The following TMEM132C variants were observed in gnomAD, a reference collection of about 807,000 sequenced individuals.
The protein encoded by TMEM132C is protein phosphatase 1, regulatory subunit 152.
Under a neutral mutation model 61.4 loss-of-function variants are expected in TMEM132C, and 29 were observed. That is an observed-to-expected ratio of 0.47 (90% CI 0.35 to 0.64). The LOEUF (loss-of-function observed/expected upper bound fraction) is 0.64, where lower values mean the gene tolerates loss of function less well. TMEM132C is among the 30% of genes least tolerant of loss of function. The pLI is 0.00. For missense variants in TMEM132C, 1,408 were observed against 1,476.9 expected, an observed-to-expected ratio of 0.95 and a Z score of 0.76; for synonymous variants, 656 against 633.1, an observed-to-expected ratio of 1.04 and a Z score of -0.54.
chr12:128,518,371 C>T (rs528397211), intron 2 of TMEM132C, among the ~76,000 whole-genome samples: 4 of 152,142 alleles, frequency 2.6e-5, no homozygotes, highest in African/African-American at 7.2e-5. Flanking sequence ...AAAGTTCAGG[C>T]GGCGTCCTTG....
chr12:128,535,163 G>T (rs886146609), intron 2 of TMEM132C, among the ~76,000 whole-genome samples: 2 of 152,166 alleles, frequency 1.3e-5, no homozygotes, highest in Non-Finnish European at 2.9e-5. Flanking sequence ...AGTAGCACGT[G>T]TATTTAGTGA....
chr12:128,568,137 C>CAG (rs2136168800), intron 3 of TMEM132C, among the ~76,000 whole-genome samples: 1 of 152,304 alleles, frequency 6.6e-6, no homozygotes, highest in South Asian at 2.1e-4. Context: ...ATTTACTAAA[C>CAG]AGTGTGATTG....
intron 3 of TMEM132C, among the ~76,000 whole-genome samples, chr12:128,571,186 T>G (rs1874868399): frequency 6.6e-6 from 1 of 152,188 alleles, no homozygotes; most frequent in Non-Finnish European, 1.5e-5. Context: ...TTGGAAACTC[T>G]CTGTGTCCTT....
At chr12:128,580,114 TC>T (rs1175948171) in intron 3 of TMEM132C, among the ~76,000 whole-genome samples, 1 of 151,870 alleles carries the variant, frequency 6.6e-6, no homozygotes, top group Non-Finnish European at 1.5e-5. Flanking sequence ...AAGCCTCAGT[TC>T]CCCCATCTGT....
At chr12:128,562,369 T>C (rs888564476) in intron 3 of TMEM132C, among the ~76,000 whole-genome samples, 13 of 152,372 alleles carry the variant, frequency 8.5e-5, no homozygotes, top group African/African-American at 3.1e-4. Flanking sequence ...CATGACAGGT[T>C]GTTCCGTAAG....
intron 2 of TMEM132C, among the ~76,000 whole-genome samples, chr12:128,509,624 C>T (rs955077317): frequency 6.6e-6 from 1 of 152,134 alleles, no homozygotes; most frequent in Non-Finnish European, 1.5e-5. Context: ...ACAGGGAGCC[C>T]TCTGAGAACT....
At chr12:128,424,534 A>G (rs746601544) in intron 2 of TMEM132C, among the ~76,000 whole-genome samples, 1 of 151,842 alleles carries the variant, frequency 6.6e-6, no homozygotes, top group Non-Finnish European at 1.5e-5. Context: ...AGGCAAATCC[A>G]TAGAGACAGA....
At chr12:128,485,884 CTCT>C (rs1230467810) in intron 2 of TMEM132C, among the ~76,000 whole-genome samples, 1 of 152,164 alleles carries the variant, frequency 6.6e-6, no homozygotes, top group Non-Finnish European at 1.5e-5. Context: ...CCTCCTCCTC[CTCT>C]AATTTGCATC....
rs144352187 is a variant in TMEM132C, at chr12:128,399,495, A to G, written c.86-15237A>G. Among the ~76,000 whole-genome samples, 529 of 152,306 alleles carry G rather than the reference A, an allele frequency of 3.5e-3. 4 individuals carry two copies. The highest frequency in any genetic ancestry group is 0.012 in the African/African-American group (497 of 41,558). On this transcript the variant is annotated intron_variant, in intron 1 of 8. Transcript: ENST00000435159. ...TTTAAATTCTGCTGTAAATGCTTGT[A>G]TTATACAACTCTAAATCCCTCCAGA... is the stretch of plus-strand genomic sequence containing the variant.
chr12:128,268,596 G>A lies in TMEM132C; in HGVS notation c.85+1109G>A, dbSNP rs371506867. On this transcript the variant is annotated intron_variant, in intron 1 of 8. Coordinates refer to ENST00000435159, the MANE Select transcript of TMEM132C (RefSeq NM_001136103.3). ...CCTGAGCCTTCGCGCGGCGCCGCGG[G>A]TCCAGTATCGGCCCCAGGCTCTGAG... Among the ~76,000 whole-genome samples the A allele has an allele frequency of 1.1e-4, 16 of 152,266 alleles. No individual in the cohort carries two copies. The East Asian group carries it at 2.0e-3, about 19-fold the overall frequency.
intron 1 of TMEM132C, among the ~76,000 whole-genome samples, chr12:128,386,650 C>A (rs1053308069): frequency 2.0e-5 from 3 of 152,176 alleles, no homozygotes; most frequent in African/African-American, 7.2e-5. Context: ...GTGTGACAGG[C>A]GTTAAGTCCT....
chr12:128,627,089 T>C lies in TMEM132C; in HGVS notation c.1305+10754T>C, dbSNP rs895770441. Among the ~76,000 whole-genome samples the C allele has an allele frequency of 4.0e-4, 61 of 152,166 alleles. 2 individuals carry two copies. The highest frequency in any genetic ancestry group is 3.9e-3 in the Admixed American group (59 of 15,282). Reference sequence around the variant, plus strand: ...TGAGAGGCACCTCACCTCCTCCTCCTCTTCATTAAGGACTCCTTGCCCACC... The same window carrying C: ...TGAGAGGCACCTCACCTCCTCCTCCCCTTCATTAAGGACTCCTTGCCCACC... On this transcript the variant is annotated intron_variant, in intron 4 of 8. Coordinates refer to ENST00000435159, the MANE Select transcript of TMEM132C (RefSeq NM_001136103.3).
intron 1 of TMEM132C, among the ~76,000 whole-genome samples, chr12:128,298,069 G>A (rs1871465807): frequency 6.6e-6 from 1 of 152,186 alleles, no homozygotes; most frequent in Non-Finnish European, 1.5e-5. Context: ...AGCTTTAAAG[G>A]TTACAAAGCA....
At chr12:128,388,129 T>A (rs1443009434) in intron 1 of TMEM132C, among the ~76,000 whole-genome samples, 1 of 152,192 alleles carries the variant, frequency 6.6e-6, no homozygotes, top group Non-Finnish European at 1.5e-5. Flanking sequence ...TCTGGGCCAG[T>A]GGCTTCCTCT....
chr12:128,491,294 C>T lies in TMEM132C; in HGVS notation c.975-52663C>T, dbSNP rs747257755. 4.6e-5 allele frequency among the ~76,000 whole-genome samples: 7 copies of T among 152,228 alleles called. No individual in the cohort carries two copies. In the South Asian group the frequency reaches 1.2e-3, roughly 27 times the overall value. ...CTCCATTTTTCTTGAAATACAATAG[C>T]GTTGAGGTTGATGGATTTGGCTGCA... On this transcript the variant is annotated intron_variant, in intron 2 of 8. Coordinates refer to ENST00000435159, the MANE Select transcript of TMEM132C (RefSeq NM_001136103.3).
intron 2 of TMEM132C, among the ~76,000 whole-genome samples, chr12:128,514,644 G>A (rs1349270487): frequency 1.3e-5 from 2 of 152,084 alleles, no homozygotes; most frequent in Non-Finnish European, 2.9e-5. Flanking sequence ...CAGCTGTGAC[G>A]GAGACCTCTG....
chr12:128,516,412 G>A (rs1195304359), intron 2 of TMEM132C, among the ~76,000 whole-genome samples: 2 of 152,100 alleles, frequency 1.3e-5, no homozygotes, highest in African/African-American at 2.4e-5. Flanking sequence ...GTTCCATAGC[G>A]GGCAACTTAA....
chr12:128,390,782 C>T (rs764088146), intron 1 of TMEM132C, among the ~76,000 whole-genome samples: 6 of 152,102 alleles, frequency 3.9e-5, no homozygotes, highest in Non-Finnish European at 8.8e-5. Context: ...AGAGCGAAGC[C>T]GGGAGCCCAA....
At chr12:128,467,582 A>G (rs1870778188) in intron 2 of TMEM132C, among the ~76,000 whole-genome samples, 1 of 152,142 alleles carries the variant, frequency 6.6e-6, no homozygotes, top group South Asian at 2.1e-4. Context: ...TTCTGCTCCA[A>G]GTTGGCCTCT....
Sources: gnomAD v4.1 joint callset for allele counts (sites outside exome capture counted in the v4.1 genomes callset) on GRCh38, gnomAD v4.1.1 for gene constraint, MANE v1.5 for transcripts, NCBI Gene and HGNC (gene_info 2026-07-23, HGNC 2026-07-21) for gene names.